LRRC49: variants seen among roughly 807,000 people sequenced by gnomAD.
LRRC49 encodes the protein leucine rich repeat containing 49.
A neutral mutation model predicts 83.3 loss-of-function variants in LRRC49; 50 were observed. The ratio of observed to expected loss-of-function variants is 0.60; its 90% CI spans 0.48 to 0.76. LRRC49 has a LOEUF of 0.76. Among genes scored for constraint, LRRC49 ranks in the 30% least tolerant of loss-of-function variants. LRRC49 has a pLI of 0.00. For synonymous variants in LRRC49, 286 were observed against 283.3 expected, an observed-to-expected ratio of 1.01 and a Z score of -0.10; for missense variants, 704 against 809.1, an observed-to-expected ratio of 0.87 and a Z score of 1.58.
At chr15:70,967,015 T>A (rs769280864) in intron 9 of LRRC49, among the ~76,000 whole-genome samples, 1 of 152,050 alleles carries the variant, frequency 6.6e-6, no homozygotes, top group Non-Finnish European at 1.5e-5. Context: ...CAATCCCAAG[T>A]CTACCTGAAA....
At chr15:70,884,083 G>A (rs2033339396) in intron 2 of LRRC49, among the ~76,000 whole-genome samples, 1 of 152,134 alleles carries the variant, frequency 6.6e-6, no homozygotes, top group South Asian at 2.1e-4. Context: ...AAAGATATCT[G>A]GAAAAGTTAA....
chr15:71,005,888 T>C (rs2038440471), intron 11 of LRRC49, among the ~76,000 whole-genome samples: 1 of 152,170 alleles, frequency 6.6e-6, no homozygotes, highest in Non-Finnish European at 1.5e-5. Context: ...AATATAAACA[T>C]TGTTTGGCAA....
chr15:71,037,327 C>T lies in LRRC49; in HGVS notation c.1852C>T (p.Leu618=). ...TACAAGAGACTTTTATAATGAAAAG[C>T]TAGAGGTAAAACTACTGTTAATCTT... is the stretch of plus-strand genomic sequence containing the variant. ...YTTRDFYNEK[L]EEIKEKKKFC... The change falls in exon 15 of 16, where the codon CTA becomes TTA. Residue 618 remains leucine (L), a synonymous_variant. Coordinates refer to ENST00000260382, the MANE Select transcript of LRRC49 (RefSeq NM_017691.5). The T allele has an allele frequency of 6.3e-7, 1 of 1,594,662 alleles. No homozygotes were observed.
chr15:70,997,751 G>GA (rs1213876291), intron 11 of LRRC49, among the ~76,000 whole-genome samples: 3 of 151,998 alleles, frequency 2.0e-5, no homozygotes, highest in South Asian at 2.1e-4. Flanking sequence ...ACTCCATCTT[G>GA]AAAAAAAGAA....
At chr15:70,875,304 A>G (rs1425472041) in intron 2 of LRRC49, among the ~76,000 whole-genome samples, 1 of 152,222 alleles carries the variant, frequency 6.6e-6, no homozygotes, top group African/African-American at 2.4e-5. Flanking sequence ...GAGAGGCCAC[A>G]AAAGAGACTG....
chr15:70,952,674 G>A (rs566531629), intron 8 of LRRC49, among the ~76,000 whole-genome samples: 14 of 152,024 alleles, frequency 9.2e-5, no homozygotes, highest in East Asian at 1.9e-4. Flanking sequence ...GTTTAAGTCC[G>A]GAATATCTTT....
chr15:70,956,871 T>C (rs2036419578), intron 8 of LRRC49, among the ~76,000 whole-genome samples: 1 of 152,308 alleles, frequency 6.6e-6, no homozygotes, highest in South Asian at 2.1e-4. Context: ...AGTCTGAGTG[T>C]CAACAGTAGT....
At chr15:70,965,184 G>A (rs551843185) in intron 9 of LRRC49, among the ~76,000 whole-genome samples, 1 of 152,266 alleles carries the variant, frequency 6.6e-6, no homozygotes, top group East Asian at 1.9e-4. Context: ...AGGTTGAGAT[G>A]AGTGGGATAA....
intron 8 of LRRC49, among the ~76,000 whole-genome samples, chr15:70,955,253 CT>C (rs1316524187): frequency 6.6e-6 from 1 of 152,124 alleles, no homozygotes; most frequent in Non-Finnish European, 1.5e-5. Flanking sequence ...AAAAAGTTAA[CT>C]GTAAAACAGC....
At chr15:70,910,564 G>A (rs2034510229) in intron 5 of LRRC49, among the ~76,000 whole-genome samples, 1 of 151,988 alleles carries the variant, frequency 6.6e-6, no homozygotes, top group South Asian at 2.1e-4. Flanking sequence ...TTCTTTTTTT[G>A]CCATTGCTCC....
intron 15 of LRRC49, among the ~76,000 whole-genome samples, chr15:71,044,655 G>A (rs1398660813): frequency 6.6e-6 from 1 of 151,772 alleles, no homozygotes; most frequent in African/African-American, 2.4e-5. Flanking sequence ...GTGTGGTGGT[G>A]CACGCCTGTG....
At chr15:70,877,423 G>A (rs1434915441) in intron 2 of LRRC49, among the ~76,000 whole-genome samples, 1 of 151,940 alleles carries the variant, frequency 6.6e-6, no homozygotes, top group African/African-American at 2.4e-5. Flanking sequence ...TTCTTTTCTA[G>A]AATTTTATAC....
intron 9 of LRRC49, among the ~76,000 whole-genome samples, chr15:70,967,590 G>A (rs1350620163): frequency 1.3e-5 from 2 of 152,100 alleles, no homozygotes; most frequent in South Asian, 2.1e-4. Context: ...TAAAAGTGAA[G>A]CTTAGGATAG....
chr15:71,020,370 C>T (rs1319235148), intron 14 of LRRC49, among the ~76,000 whole-genome samples: 2 of 152,106 alleles, frequency 1.3e-5, no homozygotes, highest in African/African-American at 4.8e-5. Flanking sequence ...ACTGAAGTTT[C>T]TAAAAGACAC....
chr15:70,904,723 A>G lies in LRRC49; in HGVS notation c.468A>G (p.Arg156=), dbSNP rs1382059342. 6.2e-7 allele frequency: 1 copy of G among 1,613,592 alleles called. No individual in the cohort carries two copies. The change falls in exon 5 of 16, where the codon AGA becomes AGG. Residue 156 remains arginine (R), a synonymous_variant. Coordinates refer to ENST00000260382, the MANE Select transcript of LRRC49 (RefSeq NM_017691.5). ...AAATTAGTGGGCTTTCGACTCTGAG[A>G]TGTCTTCGTGTCCTTCTGTTGGGGA... ...IEEISGLSTL[R]CLRVLLLGKN...
intron 15 of LRRC49, among the ~76,000 whole-genome samples, chr15:71,042,737 T>C (rs2039734128): frequency 6.6e-6 from 1 of 152,212 alleles, no homozygotes; most frequent in African/African-American, 2.4e-5. Context: ...TGCTTGGTAG[T>C]TGTCCATCTA....
chr15:70,901,048 C>T, intron 4 of LRRC49, 24 bp downstream of exon 4: 2 of 1,449,400 alleles, frequency 1.4e-6, no homozygotes, highest in African/African-American at 2.8e-5. Context: ...CTTTTCTTTT[C>T]TTTTTTTTGA....
At chr15:70,884,845 A>T (rs1013702462) in intron 2 of LRRC49, among the ~76,000 whole-genome samples, 6 of 152,204 alleles carry the variant, frequency 3.9e-5, no homozygotes, top group Non-Finnish European at 8.8e-5. Context: ...ACAGAGAAGC[A>T]AAAAGAAGCT....
intron 6 of LRRC49, among the ~76,000 whole-genome samples, chr15:70,917,112 C>T (rs973272528): frequency 6.6e-6 from 1 of 152,220 alleles, no homozygotes; most frequent in Non-Finnish European, 1.5e-5. Flanking sequence ...CCTCAGCTCC[C>T]TCTGAACTTT....
Sources: gnomAD v4.1 joint callset for allele counts (sites outside exome capture counted in the v4.1 genomes callset) on GRCh38, gnomAD v4.1.1 for gene constraint, MANE v1.5 for transcripts, NCBI Gene and HGNC (gene_info 2026-07-23, HGNC 2026-07-21) for gene names.